The following TMEM132D variants were observed in gnomAD, a reference collection of about 807,000 sequenced individuals.
The protein encoded by TMEM132D is mature OL transmembrane protein.
In TMEM132D, 21 loss-of-function variants were observed where a neutral mutation model predicts 62.3. The observed-to-expected ratio is 0.34, with a 90% CI of 0.24 to 0.49. The LOEUF (loss-of-function observed/expected upper bound fraction) is 0.49, where lower values mean the gene tolerates loss of function less well. TMEM132D is among the 20% of genes least tolerant of loss of function. The pLI is 0.99. For synonymous variants in TMEM132D, 621 were observed against 575.6 expected, an observed-to-expected ratio of 1.08 and a Z score of -1.13; for missense variants, 1,346 against 1,402.8, an observed-to-expected ratio of 0.96 and a Z score of 0.65.
At chr12:129,563,396 T>C (rs1014799049) in intron 2 of TMEM132D, among the ~76,000 whole-genome samples, 2 of 152,198 alleles carry the variant, frequency 1.3e-5, no homozygotes, top group Non-Finnish European at 2.9e-5. Flanking sequence ...CACCTGTGCA[T>C]AGCTGAGGAT....
At chr12:129,433,141 T>C (rs1872706714) in intron 3 of TMEM132D, among the ~76,000 whole-genome samples, 1 of 152,242 alleles carries the variant, frequency 6.6e-6, no homozygotes, top group Non-Finnish European at 1.5e-5. Flanking sequence ...TGCCACAAGT[T>C]ACTTATTCAT....
At chr12:129,447,903 A>G (rs1218130764) in intron 3 of TMEM132D, among the ~76,000 whole-genome samples, 2 of 152,186 alleles carry the variant, frequency 1.3e-5, no homozygotes, top group African/African-American at 2.4e-5. Context: ...GATTTGTTAT[A>G]ATCTGCAAGG....
At chr12:129,800,391 G>A (rs549499556) in intron 1 of TMEM132D, among the ~76,000 whole-genome samples, 17 of 152,048 alleles carry the variant, frequency 1.1e-4, no homozygotes, top group African/African-American at 3.1e-4. Flanking sequence ...AAAAAAGGGC[G>A]GGGGAGCCAT....
chr12:129,128,479 T>C (rs1876280213), intron 5 of TMEM132D, among the ~76,000 whole-genome samples: 1 of 152,052 alleles, frequency 6.6e-6, no homozygotes, highest in Non-Finnish European at 1.5e-5. Flanking sequence ...CCACAAGATC[T>C]CATGAGAACT....
intron 3 of TMEM132D, among the ~76,000 whole-genome samples, chr12:129,475,850 A>G (rs200438901): frequency 0.011 from 1,657 of 152,350 alleles, 24 homozygotes; most frequent in East Asian, 0.061. Context: ...ACAACTTTTG[A>G]AAAAGTTCTA....
At chr12:129,685,837 C>A (rs1880900109) in intron 2 of TMEM132D, among the ~76,000 whole-genome samples, 1 of 152,184 alleles carries the variant, frequency 6.6e-6, no homozygotes, top group African/African-American at 2.4e-5. Context: ...TCAGTGTGAT[C>A]TGGATGTAAG....
rs368382714 is a variant in TMEM132D, at chr12:129,337,608, A to G, written c.1299+26T>C. On this transcript the variant is annotated intron_variant, in intron 4 of 8. Transcript: ENST00000422113. Reference sequence around the variant, plus strand: ...CTTCCCCTCCCCCGAGTTCAGTTCTAACAGCCCAGGGCGGGGCTTGCTTAC... The same window carrying G: ...CTTCCCCTCCCCCGAGTTCAGTTCTGACAGCCCAGGGCGGGGCTTGCTTAC... The G allele has an allele frequency of 2.1e-5, 34 of 1,612,710 alleles. No homozygotes were observed. In the African/African-American group the frequency reaches 4.5e-4, roughly 22 times the overall value.
chr12:129,707,196 AATATAAT>A (rs1473547600), intron 1 of TMEM132D, among the ~76,000 whole-genome samples: 2 of 148,074 alleles, frequency 1.4e-5, no homozygotes, highest in African/African-American at 4.9e-5. Flanking sequence ...ATAACATTGT[AATATAAT>A]ATATAATAGT....
intron 2 of TMEM132D, among the ~76,000 whole-genome samples, chr12:129,677,647 C>G (rs1009224184): frequency 1.3e-5 from 2 of 152,234 alleles, no homozygotes; most frequent in East Asian, 3.9e-4. Flanking sequence ...CGTATTAGAA[C>G]ATTAACAGAA....
chr12:129,091,151 A>T (rs182346603), intron 5 of TMEM132D, among the ~76,000 whole-genome samples: 6 of 152,320 alleles, frequency 3.9e-5, no homozygotes, highest in Admixed American at 3.9e-4. Context: ...GTCTCTGAAG[A>T]CCTTACTTAT....
chr12:129,665,098 G>C (rs1669453), intron 2 of TMEM132D, among the ~76,000 whole-genome samples: 108,732 of 151,416 alleles, frequency 0.72, 39,342 homozygotes, highest in East Asian at 0.84. Flanking sequence ...CTGTCATCCT[G>C]TGTGTGTAAA....
chr12:129,079,298 T>C (rs1593252697), intron 7 of TMEM132D, among the ~76,000 whole-genome samples: 1 of 152,186 alleles, frequency 6.6e-6, no homozygotes, highest in African/African-American at 2.4e-5. Flanking sequence ...ACGCAGCGCA[T>C]GATGCCTGTT....
At chr12:129,605,177 G>A (rs1231857667) in intron 2 of TMEM132D, among the ~76,000 whole-genome samples, 1 of 151,988 alleles carries the variant, frequency 6.6e-6, no homozygotes, top group African/African-American at 2.4e-5. Context: ...TGTAGTTTGT[G>A]TTCTCCTGTG....
At chr12:129,328,162 T>C (rs1452103114) in intron 4 of TMEM132D, among the ~76,000 whole-genome samples, 1 of 152,098 alleles carries the variant, frequency 6.6e-6, no homozygotes, top group Admixed American at 6.5e-5. Flanking sequence ...CACATCTCAA[T>C]GAGTCTTTCC....
At chr12:129,709,370 T>C (rs1465679215) in intron 1 of TMEM132D, among the ~76,000 whole-genome samples, 10 of 152,190 alleles carry the variant, frequency 6.6e-5, no homozygotes, top group Admixed American at 6.6e-4. Flanking sequence ...AAACTATAGA[T>C]CCAAAGAAAG....
At chr12:129,328,726 A>G (rs1869002289) in intron 4 of TMEM132D, among the ~76,000 whole-genome samples, 2 of 152,092 alleles carry the variant, frequency 1.3e-5, no homozygotes, top group African/African-American at 2.4e-5. Context: ...TTTTCCAAAG[A>G]TCTTTTTGCA....
At chr12:129,635,825 G>A (rs748988400) in intron 2 of TMEM132D, among the ~76,000 whole-genome samples, 1 of 152,188 alleles carries the variant, frequency 6.6e-6, no homozygotes, top group Non-Finnish European at 1.5e-5. Flanking sequence ...GTGTGCCTAA[G>A]GTGGTTGAGG....
At chr12:129,769,386 C>G (rs553788972) in intron 1 of TMEM132D, among the ~76,000 whole-genome samples, 1 of 152,268 alleles carries the variant, frequency 6.6e-6, no homozygotes, top group East Asian at 1.9e-4. Context: ...CGTCAGATCT[C>G]ATGAGACTTA....
Position 129,903,508 on chromosome 12 carries a change from G to A in TMEM132D, c.-169C>T. ...CCCTCTTCCCGCCAGTCCATGGCCA[G>A]GCCGGGAGGCGACGACCGCGCGGGC... On this transcript the variant is annotated 5_prime_UTR_variant, in exon 1 of 9. Coordinates refer to ENST00000422113, the MANE Select transcript of TMEM132D (RefSeq NM_133448.3). The surrounding 1 kb of genome is among the most constrained non-coding windows in gnomAD (Gnocchi z 6.2). 4.6e-6 allele frequency: 3 copies of A among 657,606 alleles called. No individual in the cohort carries two copies. The Admixed American group carries it at 8.9e-5, about 19-fold the overall frequency. 40.7% of individuals were successfully genotyped at this position (657,606 alleles called of 1,614,324 possible). A position where few individuals can be genotyped will look rare whatever the true frequency, so the allele number is the denominator to read the frequency against.
Sources: gnomAD v4.1 joint callset for allele counts (sites outside exome capture counted in the v4.1 genomes callset) on GRCh38, gnomAD v4.1.1 for gene constraint, Gnocchi (gnomAD v3.1) non-coding constraint, MANE v1.5 for transcripts, NCBI Gene and HGNC (gene_info 2026-07-23, HGNC 2026-07-21) for gene names.